ACBD3: variants seen among roughly 807,000 people sequenced by gnomAD.
ACBD3 encodes Golgi resident protein GCP60.
In ACBD3, 30 loss-of-function variants were observed where a neutral mutation model predicts 66.9. The observed-to-expected ratio is 0.45, with a 90% CI of 0.34 to 0.61. The LOEUF (loss-of-function observed/expected upper bound fraction) is 0.61, where lower values mean the gene tolerates loss of function less well. Ranked by LOEUF, ACBD3 falls within the 20% of genes least tolerant of loss-of-function variation. The pLI, the probability that ACBD3 is intolerant of heterozygous loss-of-function variation, is 0.02. For missense variants in ACBD3, 544 were observed against 664.5 expected (o/e 0.82, Z 1.99); for synonymous variants, 278 against 259.8 (o/e 1.07, Z -0.68).
At chr1:226,151,755 C>T (rs887983399) in intron 7 of ACBD3, among the ~76,000 whole-genome samples, 8 of 152,190 alleles carry the variant, frequency 5.3e-5, no homozygotes, top group Non-Finnish European at 1.2e-4. Context: ...CGCCTGTAAT[C>T]CCAGCACTTT....
chr1:226,182,956 T>C (rs1656204439), intron 1 of ACBD3, among the ~76,000 whole-genome samples: 1 of 152,226 alleles, frequency 6.6e-6, no homozygotes, highest in South Asian at 2.1e-4. Flanking sequence ...TAACTTACAT[T>C]TACCCACATC....
chr1:226,185,112 C>T (rs973874291), intron 1 of ACBD3, among the ~76,000 whole-genome samples: 2 of 152,054 alleles, frequency 1.3e-5, no homozygotes, highest in Non-Finnish European at 2.9e-5. Context: ...GGTAATATAT[C>T]ATCACTACAG....
intron 7 of ACBD3, among the ~76,000 whole-genome samples, chr1:226,151,574 A>AT (rs910257915): frequency 6.6e-6 from 1 of 152,208 alleles, no homozygotes; most frequent in East Asian, 1.9e-4. Flanking sequence ...AATAATTGAA[A>AT]TTTTTTTAAG....
chr1:226,166,480 G>A (rs1294217274), intron 1 of ACBD3, among the ~76,000 whole-genome samples: 3 of 147,106 alleles, frequency 2.0e-5, no homozygotes, highest in Non-Finnish European at 3.0e-5. Context: ...AATCCGGTAT[G>A]CTGATTTTTT....
intron 4 of ACBD3, 105 bp from the exon 5 acceptor site, chr1:226,159,463 C>T: frequency 1.9e-6 from 2 of 1,059,380 alleles, no homozygotes; most frequent in Non-Finnish European, 2.7e-6. Context: ...CTCTTAAAAA[C>T]AACTAAGCTA....
At position 226,146,893 on chromosome 1, in the gene ACBD3, CCTTT is replaced by C. The variant is rs1659465040; in HGVS notation, c.1376-76_1376-73del. The stretch of plus-strand genomic sequence containing the variant: ...CTTGCATCAGGCAATTAAAATCTAT[CCTTT>C]CTTTTTTTTCTGGAGACAGAGTCTT... On this transcript the variant is annotated intron_variant, in intron 7 of 7. Transcript: ENST00000366812. The C allele has an allele frequency of 6.2e-6, 9 of 1,440,176 alleles. No individual in the cohort carries two copies. In the African/African-American group the frequency reaches 7.0e-5, roughly 11 times the overall value. The allele number at this position is 1,440,176 out of a possible 1,614,324, so 89.2% of individuals were successfully genotyped here. A position where few individuals can be genotyped will look rare whatever the true frequency, so the allele number is the denominator to read the frequency against.
At chr1:226,149,832 G>A (rs978894134) in intron 7 of ACBD3, among the ~76,000 whole-genome samples, 1 of 151,684 alleles carries the variant, frequency 6.6e-6, no homozygotes, top group African/African-American at 2.4e-5. Flanking sequence ...AGGGGCCACC[G>A]TGCCTGGCCT....
chr1:226,148,080 A>G (rs1329694582), intron 7 of ACBD3: 1 of 152,202 alleles, frequency 6.6e-6, no homozygotes, highest in African/African-American at 2.4e-5. Flanking sequence ...TAAGTTTGAG[A>G]AATTCTCACC....
In ACBD3 at chr1:226,152,599, C is replaced by T; in HGVS notation, c.1111G>A (p.Ala371Thr). 1 of 1,613,938 alleles carries T rather than the reference C, an allele frequency of 6.2e-7. No homozygotes were observed. Among genetic ancestry groups the T allele is most frequent in the Non-Finnish European group, 8.5e-7 (1 of 1,179,894 alleles). ...TGAGGTCGTGTCCACATGGATGGAG[C>T]TGCTATTACTGGAAGAGATTCTAAA... is the stretch of plus-strand genomic sequence containing the variant. ...GPKESLPVIA[A>T]PSMWTRPQIK... The change falls in exon 7 of 8, where the codon GCT becomes ACT. Residue 371 changes from alanine (A) to threonine (T), a missense_variant. This residue lies in a region of ACBD3 where 383 missense variants were observed against 462.4 expected (regional missense o/e 0.83). Transcript: ENST00000366812.
intron 6 of ACBD3, among the ~76,000 whole-genome samples, chr1:226,152,989 A>T (rs1399608773): frequency 1.3e-5 from 2 of 152,156 alleles, no homozygotes; most frequent in East Asian, 3.8e-4. Context: ...GGAATAAATT[A>T]CTCTTGTGGA....
At chr1:226,183,908 C>G (rs1339470487) in intron 1 of ACBD3, among the ~76,000 whole-genome samples, 1 of 143,448 alleles carries the variant, frequency 7.0e-6, no homozygotes, top group African/African-American at 2.6e-5. Flanking sequence ...AAAAAAAAAC[C>G]AGGCTGGGCA....
At chr1:226,184,486 T>A (rs1656248390) in intron 1 of ACBD3, among the ~76,000 whole-genome samples, 1 of 152,158 alleles carries the variant, frequency 6.6e-6, no homozygotes, top group East Asian at 1.9e-4. Context: ...TTCCCCAGGA[T>A]TCCTACCACT....
At chr1:226,161,716 C>T (rs745405918) in intron 3 of ACBD3, 27 bp from the exon 4 acceptor site, 2 of 1,538,704 alleles carry the variant, frequency 1.3e-6, no homozygotes, top group South Asian at 1.2e-5. Flanking sequence ...GAGAATGAAC[C>T]CTATACGTTG....
chr1:226,146,681 G>A lies in ACBD3; in HGVS notation c.1516C>T (p.Leu506Phe), dbSNP rs367683986. Residue 506 changes from leucine to phenylalanine, a missense_variant, in exon 8 of 8, where the codon CTC (leucine) becomes TTC (phenylalanine). Around this residue, in one of 3 missense-constraint regions of ACBD3, gnomAD observed 383 missense variants for 462.4 expected, o/e 0.83. Coordinates refer to ENST00000366812, the MANE Select transcript of ACBD3 (RefSeq NM_022735.4). The stretch of plus-strand genomic sequence containing the variant: ...AAAGAGTAGGAGTTGTCAAACTTGA[G>A]GAGATAGACTCCTCTCCCTGGATAT... Reference protein sequence around the residue: ...HQYPGRGVYLLKFDNSYSLWR... With the variant: ...HQYPGRGVYLFKFDNSYSLWR... 4 of 1,613,802 alleles carry A rather than the reference G, an allele frequency of 2.5e-6. No individual in the cohort carries two copies. Among genetic ancestry groups the A allele is most frequent in the Non-Finnish European group, 3.4e-6 (4 of 1,180,006 alleles).
intron 7 of ACBD3, 21 bp from the exon 8 acceptor site, chr1:226,146,842 C>A: frequency 1.2e-6 from 2 of 1,606,896 alleles, no homozygotes; most frequent in Non-Finnish European, 1.7e-6. Flanking sequence ...AGAGACAAGT[C>A]AATGAACAGA....
chr1:226,154,717 T>C lies in ACBD3; in HGVS notation c.1020A>G (p.Thr340=). Residue 340 remains threonine, a synonymous_variant, in exon 6 of 8, where the codon ACA becomes ACG. Coordinates refer to ENST00000366812, the MANE Select transcript of ACBD3 (RefSeq NM_022735.4). ...NMMSVNGQAK[T]HTDSSEKELE... ...GTTCTTTTTCGGAGCTGTCAGTGTG[T>C]GTTTTGGCCTGTCCATTAACTGACA... The C allele has an allele frequency of 6.2e-7, 1 of 1,613,866 alleles. No homozygotes were observed.
At chr1:226,167,857 T>C (rs1256431806) in intron 1 of ACBD3, among the ~76,000 whole-genome samples, 1 of 151,960 alleles carries the variant, frequency 6.6e-6, no homozygotes, top group East Asian at 1.9e-4. Context: ...GAAATATAAA[T>C]TAAAAGCATT....
intron 1 of ACBD3, among the ~76,000 whole-genome samples, chr1:226,170,745 T>C (rs1398927554): frequency 4.6e-5 from 7 of 152,166 alleles, no homozygotes. Flanking sequence ...TTGGGTTTTC[T>C]ACTAATGGAG....
chr1:226,164,413 G>T (rs555434912), intron 3 of ACBD3, among the ~76,000 whole-genome samples: 7 of 152,266 alleles, frequency 4.6e-5, no homozygotes, highest in African/African-American at 1.7e-4. Flanking sequence ...CCATGAAATG[G>T]AGCATGAGGA....
Sources: gnomAD v4.1 joint callset for allele counts (sites outside exome capture counted in the v4.1 genomes callset) on GRCh38, gnomAD v4.1.1 for gene constraint, gnomAD v4.1.1 regional missense constraint, MANE v1.5 for transcripts, NCBI Gene and HGNC (gene_info 2026-07-23, HGNC 2026-07-21) for gene names.